CCNJL: variants seen among roughly 807,000 people sequenced by gnomAD.
CCNJL encodes cyclin-J-like protein.
In CCNJL, 33 loss-of-function variants were observed where a neutral mutation model predicts 33.4. The ratio of observed to expected loss-of-function variants is 0.99; its 90% CI spans 0.75 to 1.32. The LOEUF (loss-of-function observed/expected upper bound fraction) is 1.32. Ranked by LOEUF, CCNJL falls within the 40% of genes most tolerant of loss-of-function variation. The probability of loss-of-function intolerance (pLI) is 0.00; values close to 1 mark genes in which losing one functional copy is unlikely to be tolerated. For synonymous variants in CCNJL, 227 were observed against 220.9 expected, an observed-to-expected ratio of 1.03 and a Z score of -0.24; for missense variants, 512 against 499.7, an observed-to-expected ratio of 1.02 and a Z score of -0.23.
chr5:160,332,518 C>T (rs1303875048), intron 1 of CCNJL, among the ~76,000 whole-genome samples: 5 of 152,188 alleles, frequency 3.3e-5, no homozygotes, highest in South Asian at 2.1e-4. Context: ...CTGCCTACAC[C>T]TTTGTTAACC....
chr5:160,336,065 T>G (rs1763681241), intron 1 of CCNJL, among the ~76,000 whole-genome samples: 4 of 152,222 alleles, frequency 2.6e-5, no homozygotes, highest in Admixed American at 2.6e-4. Context: ...CCCCTTGTGA[T>G]CTCTCTAGAA....
At chr5:160,311,776 G>T in intron 2 of CCNJL, 82 bp downstream of exon 2, 2 of 1,339,940 alleles carry the variant, frequency 1.5e-6, no homozygotes, top group Non-Finnish European at 2.1e-6. Flanking sequence ...GAGTTCCCAC[G>T]CAGGCGACCT....
Position 160,321,092 on chromosome 5 carries a change from TTCTC to T in CCNJL, n.207-5591_207-5588del, listed in dbSNP as rs1207270062. Among the ~76,000 whole-genome samples the T allele has an allele frequency of 2.3e-5, 3 of 133,178 alleles. No homozygotes were observed. The East Asian group carries it at 6.5e-4, about 29-fold the overall frequency. 87.4% of individuals were successfully genotyped at this position (133,178 alleles called of 152,430 possible). A position where few individuals can be genotyped will look rare whatever the true frequency, so the allele number is the denominator to read the frequency against. ...TTTCTTTCTTTCTTTCTTTCTTTCC[TTCTC>T]TCTTTCTCTCTCTCTCTTTTTTTTC... On this transcript the variant is annotated intron_variant and non_coding_transcript_variant, in intron 1 of 7. Coordinates refer to the CCNJL transcript ENST00000377503.
intron 4 of CCNJL, among the ~76,000 whole-genome samples, chr5:160,257,937 C>A (rs2113225871): frequency 6.6e-6 from 1 of 151,804 alleles, no homozygotes; most frequent in Non-Finnish European, 1.5e-5. Flanking sequence ...ACCTCTGCCT[C>A]CTGGGTTCAA....
chr5:160,289,767 A>T (rs1762523996), intron 2 of CCNJL, among the ~76,000 whole-genome samples: 1 of 152,184 alleles, frequency 6.6e-6, no homozygotes, highest in African/African-American at 2.4e-5. Context: ...TGAAGATTCC[A>T]GGCATGTGTC....
intron 1 of CCNJL, among the ~76,000 whole-genome samples, chr5:160,320,869 C>CTTTCTCTCTTTCTTTCTTTT (rs59341829): frequency 8.3e-6 from 1 of 120,004 alleles, no homozygotes; most frequent in African/African-American, 3.3e-5. Context: ...TTCTTTCTTT[C>CTTTCTCTCTTTCTTTCTTTT]TCTCTTTCTT....
chr5:160,254,499 G>A (rs1253697928), intron 5 of CCNJL: 1 of 450,768 alleles, frequency 2.2e-6, no homozygotes, highest in African/African-American at 2.0e-5. Flanking sequence ...GAGTAGGACT[G>A]ACTTTTCAGA....
In CCNJL at chr5:160,252,442, T is replaced by G. The variant is rs944220425; in HGVS notation, c.*936A>C. ...GGTGGGAACTGTTTAAATCTTTGTC[T>G]TCCTTTCAACGAGCTTCTCCCTCCC... On this transcript the variant is annotated 3_prime_UTR_variant, in exon 6 of 6. Coordinates refer to ENST00000257536, the MANE Select transcript of CCNJL (RefSeq NM_001308173.3). 1 of 152,294 alleles carries G rather than the reference T, an allele frequency of 6.6e-6. No individual in the cohort carries two copies. Among genetic ancestry groups the G allele is most frequent in the Non-Finnish European group, 1.5e-5 (1 of 68,042 alleles). 9.4% of individuals were successfully genotyped at this position (152,294 alleles called of 1,614,324 possible).
chr5:160,263,089 T>C (rs1435099867), intron 3 of CCNJL, among the ~76,000 whole-genome samples: 1 of 152,178 alleles, frequency 6.6e-6, no homozygotes, highest in African/African-American at 2.4e-5. Context: ...AAGACAACAA[T>C]GAACACATAG....
intron 2 of CCNJL, among the ~76,000 whole-genome samples, chr5:160,291,772 T>G (rs1421244528): frequency 2.6e-5 from 4 of 152,214 alleles, no homozygotes; most frequent in African/African-American, 9.6e-5. Flanking sequence ...GGCCATGGCA[T>G]CAGGAGCCTA....
At position 160,280,587 on chromosome 5, in the gene CCNJL, C is replaced by T. The variant is rs752382255; in HGVS notation, c.218G>A (p.Arg73His). The change falls in exon 3 of 6, where the codon CGC (arginine) becomes CAC (histidine). Residue 73 changes from arginine to histidine, a missense_variant. Arg to His is a conservative substitution (Grantham distance 29). Coordinates refer to ENST00000257536, the MANE Select transcript of CCNJL (RefSeq NM_001308173.3). ...CTGCTTGGAGGTGGTGACGTTGTAG[C>T]GATCCATGAAGTGGTCCAGCAGGTA... is the stretch of plus-strand genomic sequence containing the variant. ...AVYLLDHFMD[R>H]YNVTTSKQLY... is the part of the protein sequence containing the mutation. 2.4e-5 allele frequency: 38 copies of T among 1,612,768 alleles called. No homozygotes were observed. The highest frequency in any genetic ancestry group is 6.7e-5 in the Admixed American group (4 of 59,950).
At chr5:160,331,239 T>G (rs1763604328) in intron 1 of CCNJL, among the ~76,000 whole-genome samples, 1 of 148,024 alleles carries the variant, frequency 6.8e-6, no homozygotes, top group Non-Finnish European at 1.5e-5. Context: ...TTTTTTTTTT[T>G]GTGAGATGGA....
upstream of CCNJL, among the ~76,000 whole-genome samples, chr5:160,316,197 G>A (rs1763377252): frequency 6.6e-6 from 1 of 152,028 alleles, no homozygotes; most frequent in Non-Finnish European, 1.5e-5. Flanking sequence ...TTCCTGTGCC[G>A]GGCAGCAGGA....
rs917286941 is a variant in CCNJL at position 160,251,440 on chromosome 5, G to C, written c.*1938C>G. ...TTCTTTGGAAAAACCCTGAGACGGTGATGGAGCTGGGGTGTCAAGCCTTAT... is the reference window on the plus strand; with the variant it reads ...TTCTTTGGAAAAACCCTGAGACGGTCATGGAGCTGGGGTGTCAAGCCTTAT... On this transcript the variant is annotated 3_prime_UTR_variant, in exon 6 of 6. Coordinates refer to ENST00000257536, the MANE Select transcript of CCNJL (RefSeq NM_001308173.3). 1.3e-5 allele frequency: 2 copies of C among 152,220 alleles called. No individual in the cohort carries two copies. Among genetic ancestry groups the C allele is most frequent in the Non-Finnish European group, 2.9e-5 (2 of 68,042 alleles). The allele number at this position is 152,220 out of a possible 1,614,324, so 9.4% of individuals were successfully genotyped here. A position where few individuals can be genotyped will look rare whatever the true frequency, so the allele number is the denominator to read the frequency against.
At chr5:160,266,187 C>T (rs533454212) in intron 3 of CCNJL, among the ~76,000 whole-genome samples, 14 of 152,344 alleles carry the variant, frequency 9.2e-5, no homozygotes, top group East Asian at 7.7e-4. Flanking sequence ...GGCAGTGCTA[C>T]GCAGTCAGGT....
At position 160,282,986 on chromosome 5, in the gene CCNJL, T is replaced by C. The variant is rs1173154285; in HGVS notation, c.67-2248A>G. On this transcript the variant is annotated intron_variant, in intron 2 of 5. Coordinates refer to ENST00000257536, the MANE Select transcript of CCNJL (RefSeq NM_001308173.3). ...CTTGGAATATATATATATATATATA[T>C]ATATATATATATATATATATATACA... is the stretch of plus-strand genomic sequence containing the variant. Among the ~76,000 whole-genome samples the C allele has an allele frequency of 4.5e-4, 26 of 57,900 alleles. No homozygotes were observed. In the East Asian group the frequency reaches 0.018, roughly 41 times the overall value. The allele number at this position is 57,900 out of a possible 152,430, so 38.0% of individuals were successfully genotyped here.
intron 1 of CCNJL, among the ~76,000 whole-genome samples, chr5:160,334,454 T>C (rs1254964113): frequency 6.6e-5 from 10 of 152,192 alleles, no homozygotes; most frequent in African/African-American, 2.4e-4. Flanking sequence ...CTCATAGTGC[T>C]CTCCATGGGC....
intron 2 of CCNJL, among the ~76,000 whole-genome samples, chr5:160,289,125 T>A (rs897394122): frequency 1.3e-5 from 2 of 152,126 alleles, no homozygotes; most frequent in Admixed American, 6.5e-5. Context: ...TTCAGACCAT[T>A]CCTCAGAGGC....
In CCNJL at chr5:160,312,425, T is replaced by C. The variant is rs1763300156; in HGVS notation, c.-111A>G. On this transcript the variant is annotated 5_prime_UTR_variant, in exon 1 of 6. Coordinates refer to ENST00000257536, the MANE Select transcript of CCNJL (RefSeq NM_001308173.3). ...GCCCCTCCCAGTGCCGAGCCAGCCGTGCCCTCTGGTGCCTGCCGGCGGTTG... is the reference window on the plus strand; with the variant it reads ...GCCCCTCCCAGTGCCGAGCCAGCCGCGCCCTCTGGTGCCTGCCGGCGGTTG... The C allele has an allele frequency of 6.5e-6, 1 of 152,918 alleles. No individual in the cohort carries two copies. The highest frequency in any genetic ancestry group is 2.4e-5 in the African/African-American group (1 of 41,408). 9.5% of individuals were successfully genotyped at this position (152,918 alleles called of 1,614,324 possible).
Sources: allele counts gnomAD v4.1 joint callset (sites outside exome capture counted in the v4.1 genomes callset), GRCh38; gene constraint gnomAD v4.1.1; transcripts MANE v1.5; gene names NCBI Gene and HGNC (gene_info 2026-07-23, HGNC 2026-07-21).